Variants in CADM2 observed in about 807,000 individuals in gnomAD.
CADM2 encodes immunoglobulin superfamily member 4D.
Under a neutral mutation model 49.8 loss-of-function variants are expected in CADM2, and 12 were observed. The observed-to-expected ratio is 0.24, with a 90% CI of 0.15 to 0.39. CADM2 has a LOEUF of 0.39. Among genes scored for constraint, CADM2 ranks in the 10% least tolerant of loss-of-function variants. The pLI is 1.00. For synonymous variants in CADM2, 214 were observed against 175.4 expected (o/e 1.22, Z -1.74); for missense variants, 378 against 492.3 (o/e 0.77, Z 2.20).
intron 1 of CADM2, among the ~76,000 whole-genome samples, chr3:84,978,738 A>G (rs1257322840): frequency 6.6e-6 from 1 of 152,194 alleles, no homozygotes; most frequent in African/African-American, 2.4e-5. Context: ...CAGAAATTTT[A>G]AGTCATGGAA....
At chr3:85,923,070 G>T (rs979275009) in intron 6 of CADM2, among the ~76,000 whole-genome samples, 1 of 151,952 alleles carries the variant, frequency 6.6e-6, no homozygotes, top group African/African-American at 2.4e-5. Context: ...TGACCCACCT[G>T]CCTCGGCCTC....
chr3:85,068,589 G>A (rs897615390), intron 1 of CADM2, among the ~76,000 whole-genome samples: 2 of 152,144 alleles, frequency 1.3e-5, no homozygotes, highest in African/African-American at 4.8e-5. Flanking sequence ...TCTCCAGCAC[G>A]TTAAGATCTA....
chr3:85,567,157 GGGTTTTAAAGC>G (rs2062290448), intron 1 of CADM2, among the ~76,000 whole-genome samples: 1 of 152,114 alleles, frequency 6.6e-6, no homozygotes, highest in Non-Finnish European at 1.5e-5. Flanking sequence ...AATGGGTGGA[GGGTTTTAAAGC>G]ACATAAAATC....
At chr3:85,988,478 A>G (rs1374675179) in intron 8 of CADM2, among the ~76,000 whole-genome samples, 1 of 152,204 alleles carries the variant, frequency 6.6e-6, no homozygotes, top group Non-Finnish European at 1.5e-5. Context: ...ATAAAGAAAT[A>G]TATCTATTAA....
chr3:85,032,969 T>G (rs1290994579), intron 1 of CADM2, among the ~76,000 whole-genome samples: 2 of 152,164 alleles, frequency 1.3e-5, no homozygotes, highest in Non-Finnish European at 2.9e-5. Context: ...TTCAGTAATA[T>G]TCTCTCTATA....
At chr3:85,653,532 A>G (rs2065115179) in intron 1 of CADM2, among the ~76,000 whole-genome samples, 1 of 151,732 alleles carries the variant, frequency 6.6e-6, no homozygotes, top group African/African-American at 2.4e-5. Context: ...TGAGAAGGAG[A>G]AGACTGTAGG....
intron 2 of CADM2, among the ~76,000 whole-genome samples, chr3:85,775,857 T>A (rs779686762): frequency 4.6e-5 from 7 of 151,948 alleles, no homozygotes; most frequent in Non-Finnish European, 8.8e-5. Flanking sequence ...TATTAGGTAC[T>A]AAATTACCTT....
At chr3:85,024,717 ATTAAT>A (rs1053442344) in intron 1 of CADM2, among the ~76,000 whole-genome samples, 43 of 151,678 alleles carry the variant, frequency 2.8e-4, no homozygotes, top group African/African-American at 8.7e-4. Context: ...AAATACGTTA[ATTAAT>A]TTATCCATTA....
intron 8 of CADM2, among the ~76,000 whole-genome samples, chr3:86,023,218 A>G (rs973957173): frequency 6.6e-6 from 1 of 152,218 alleles, no homozygotes; most frequent in Non-Finnish European, 1.5e-5. Flanking sequence ...TCCAATACGT[A>G]TAAACAAATG....
chr3:85,125,652 C>T (rs1445848507), intron 1 of CADM2, among the ~76,000 whole-genome samples: 1 of 152,216 alleles, frequency 6.6e-6, no homozygotes, highest in Admixed American at 6.5e-5. Context: ...TTTGAACCAC[C>T]ATGCCCAGCC....
intron 1 of CADM2, among the ~76,000 whole-genome samples, chr3:84,964,389 A>T (rs1433956437): frequency 6.6e-6 from 1 of 152,192 alleles, no homozygotes; most frequent in African/African-American, 2.4e-5. Context: ...AGTAAGCCTT[A>T]TTTACTATGA....
At chr3:85,171,602 T>C (rs1344641293) in intron 1 of CADM2, among the ~76,000 whole-genome samples, 1 of 152,210 alleles carries the variant, frequency 6.6e-6, no homozygotes, top group Non-Finnish European at 1.5e-5. Flanking sequence ...TACTGAGGCA[T>C]AATGTAGAGA....
At chr3:85,222,825 T>C (rs1338356495) in intron 1 of CADM2, among the ~76,000 whole-genome samples, 1 of 152,178 alleles carries the variant, frequency 6.6e-6, no homozygotes, top group East Asian at 1.9e-4. Context: ...TTATTTGGTC[T>C]CATCCCTTGA....
At chr3:86,034,520 A>G (rs541211852) in intron 8 of CADM2, among the ~76,000 whole-genome samples, 198 of 152,194 alleles carry the variant, frequency 1.3e-3, no homozygotes, top group African/African-American at 4.4e-3. Context: ...AGCTCACAGA[A>G]CCGTGAGAAA....
intron 1 of CADM2, among the ~76,000 whole-genome samples, chr3:85,247,294 A>G (rs2042670832): frequency 6.6e-6 from 1 of 152,042 alleles, no homozygotes; most frequent in South Asian, 2.1e-4. Flanking sequence ...AAAACAAAAT[A>G]TTTACTCTAA....
chr3:85,099,068 T>C (rs2037914156), intron 1 of CADM2, among the ~76,000 whole-genome samples: 2 of 152,158 alleles, frequency 1.3e-5, no homozygotes, highest in South Asian at 2.1e-4. Flanking sequence ...TTTGCTGGTA[T>C]AGAACAGAGA....
intron 1 of CADM2, among the ~76,000 whole-genome samples, chr3:85,454,295 C>A (rs1215859230): frequency 6.6e-6 from 1 of 152,110 alleles, no homozygotes; most frequent in East Asian, 1.9e-4. Flanking sequence ...TACAACACTG[C>A]ACTCTAGCCT....
chr3:85,184,572 C>G (rs894481162), intron 1 of CADM2, among the ~76,000 whole-genome samples: 1 of 151,946 alleles, frequency 6.6e-6, no homozygotes, highest in Admixed American at 6.6e-5. Flanking sequence ...GCTCTCTTTC[C>G]TTAGGAAAAT....
At chr3:86,037,877 G>T (rs1340130868) in intron 8 of CADM2, among the ~76,000 whole-genome samples, 1 of 152,038 alleles carries the variant, frequency 6.6e-6, no homozygotes, top group Non-Finnish European at 1.5e-5. Context: ...GGCAGAACAT[G>T]CAGGTTTGTT....
Sources: gnomAD v4.1 joint callset for allele counts (sites outside exome capture counted in the v4.1 genomes callset) on GRCh38, gnomAD v4.1.1 for gene constraint, MANE v1.5 for transcripts, NCBI Gene and HGNC (gene_info 2026-07-23, HGNC 2026-07-21) for gene names.